CCSER2: variants seen among roughly 807,000 people sequenced by gnomAD.
CCSER2 encodes serine-rich coiled-coil domain-containing protein 2.
CCSER2 carries 46 observed loss-of-function variants against 92.3 expected under a neutral mutation model. The observed-to-expected ratio is 0.50, with a 90% CI of 0.39 to 0.64. The LOEUF (loss-of-function observed/expected upper bound fraction) is 0.64, where lower values mean the gene tolerates loss of function less well. CCSER2 is among the 30% of genes least tolerant of loss of function. The pLI is 0.00. For synonymous variants in CCSER2, 433 were observed against 431.4 expected, an observed-to-expected ratio of 1.00 and a Z score of -0.04; for missense variants, 1,244 against 1,238.9, an observed-to-expected ratio of 1.00 and a Z score of -0.06.
chr10:84,461,287 T>G (rs1846086043), intron 6 of CCSER2, among the ~76,000 whole-genome samples: 1 of 152,214 alleles, frequency 6.6e-6, no homozygotes, highest in Non-Finnish European at 1.5e-5. Context: ...ATATGTTTGG[T>G]GTATTTTTAG....
chr10:84,483,998 A>C (rs1341410663), intron 9 of CCSER2, among the ~76,000 whole-genome samples: 7 of 55,286 alleles, frequency 1.3e-4, no homozygotes, highest in Non-Finnish European at 1.9e-4. Flanking sequence ...TATATATATA[A>C]TTTTTTTTTT....
intron 1 of CCSER2, among the ~76,000 whole-genome samples, chr10:84,370,080 T>A (rs1366114542): frequency 6.6e-6 from 1 of 152,116 alleles, no homozygotes; most frequent in Non-Finnish European, 1.5e-5. Context: ...AGTTGAGTAA[T>A]GTGATGCCTC....
chr10:84,350,094 A>C (rs1220329939), intron 1 of CCSER2, among the ~76,000 whole-genome samples: 1 of 152,220 alleles, frequency 6.6e-6, no homozygotes, highest in African/African-American at 2.4e-5. Context: ...TGGAGGTTGC[A>C]GTGAGCCGAT....
At chr10:84,434,596 C>A (rs1364836174) in intron 5 of CCSER2, among the ~76,000 whole-genome samples, 1 of 152,084 alleles carries the variant, frequency 6.6e-6, no homozygotes, top group East Asian at 1.9e-4. Flanking sequence ...TATTGTTGTT[C>A]ATTGTAGTAT....
At chr10:84,354,433 T>G (rs999767750) in intron 1 of CCSER2, among the ~76,000 whole-genome samples, 2 of 152,082 alleles carry the variant, frequency 1.3e-5, no homozygotes, top group Admixed American at 6.6e-5. Flanking sequence ...GGTTCTTAGT[T>G]TACTTATATG....
chr10:84,443,928 T>C (rs896805695), intron 6 of CCSER2, among the ~76,000 whole-genome samples: 1 of 151,538 alleles, frequency 6.6e-6, no homozygotes, highest in Admixed American at 6.6e-5. Context: ...TACTCATAAG[T>C]GGGAGTTTAA....
rs138322775 is a variant in CCSER2, at chr10:84,482,602, T to A, written c.2325+4938T>A. On this transcript the variant is annotated intron_variant, in intron 9 of 9. Coordinates refer to ENST00000372088, the MANE Select transcript of CCSER2 (RefSeq NM_001284240.2). ...TGCACGTTAAGTAAATTGTAAAATC[T>A]TATGATATGTACCTTTTGTAGTCCA... Among the ~76,000 whole-genome samples, 32 of 152,356 alleles carry A rather than the reference T, an allele frequency of 2.1e-4. No homozygotes were observed. In the East Asian group the frequency reaches 4.6e-3, roughly 22 times the overall value.
At position 84,411,445 on chromosome 10, in the gene CCSER2, G is replaced by C. The variant is rs181306922; in HGVS notation, c.1615-6326G>C. Among the ~76,000 whole-genome samples, 9 of 152,230 alleles carry C rather than the reference G, an allele frequency of 5.9e-5. No individual in the cohort carries two copies. In the East Asian group the frequency reaches 1.5e-3, roughly 26 times the overall value. ...TACCAACCATCCATGAGTGTGGAAT[G>C]GTTTTCCATTTGTTTGTTTCCTCTC... On this transcript the variant is annotated intron_variant, in intron 3 of 9. Coordinates refer to ENST00000372088, the MANE Select transcript of CCSER2 (RefSeq NM_001284240.2).
intron 3 of CCSER2, among the ~76,000 whole-genome samples, chr10:84,408,337 A>T (rs1473813081): frequency 6.6e-6 from 1 of 152,060 alleles, no homozygotes; most frequent in African/African-American, 2.4e-5. Context: ...TACAGAGTGG[A>T]TCTTTATCTA....
At chr10:84,412,434 T>C (rs149886241) in intron 3 of CCSER2, among the ~76,000 whole-genome samples, 2 of 152,218 alleles carry the variant, frequency 1.3e-5, no homozygotes, top group African/African-American at 4.8e-5. Flanking sequence ...GGGCTTTTTT[T>C]TTTGGTTGGT....
intron 7 of CCSER2, among the ~76,000 whole-genome samples, chr10:84,469,087 A>T (rs191607951): frequency 6.6e-6 from 1 of 152,202 alleles, no homozygotes; most frequent in Non-Finnish European, 1.5e-5. Context: ...CTGTTAATAT[A>T]CTTGAGATAT....
At chr10:84,347,185 A>G (rs1242255438) in intron 1 of CCSER2, among the ~76,000 whole-genome samples, 2 of 152,210 alleles carry the variant, frequency 1.3e-5, no homozygotes, top group African/African-American at 2.4e-5. Flanking sequence ...ACTTCCTTCC[A>G]CACAGACACA....
intron 1 of CCSER2, among the ~76,000 whole-genome samples, chr10:84,369,763 C>A (rs945964714): frequency 6.6e-6 from 1 of 152,076 alleles, no homozygotes; most frequent in African/African-American, 2.4e-5. Context: ...AGGTTTTCTT[C>A]TAGCATTTTT....
chr10:84,377,198 C>G (rs1039796863), intron 3 of CCSER2, among the ~76,000 whole-genome samples: 4 of 152,022 alleles, frequency 2.6e-5, no homozygotes, highest in African/African-American at 9.7e-5. Flanking sequence ...TTGATATTGT[C>G]CAGTTTTACA....
chr10:84,371,316 A>T lies in CCSER2; in HGVS notation c.264A>T (p.Ser88=). 1.9e-6 allele frequency: 3 copies of T among 1,613,770 alleles called. No homozygotes were observed. The South Asian group carries it at 3.3e-5, about 18-fold the overall frequency. ...GVEEPNNTQN[S]HDKIIDPEKR... ...AAGAGCCTAACAATACTCAAAATTCACATGATAAAATAATTGATCCTGAAA... is the reference window on the plus strand; with the variant it reads ...AAGAGCCTAACAATACTCAAAATTCTCATGATAAAATAATTGATCCTGAAA... The change falls in exon 2 of 10, where the codon TCA becomes TCT. Residue 88 remains serine (S), a synonymous_variant. Coordinates refer to ENST00000372088, the MANE Select transcript of CCSER2 (RefSeq NM_001284240.2).
At position 84,514,128 on chromosome 10, in the gene CCSER2, G is replaced by T. The variant is rs1232523558; in HGVS notation, c.3005G>T (p.Ser1002Ile). 3.3e-6 allele frequency: 5 copies of T among 1,536,174 alleles called. No homozygotes were observed. The South Asian group carries it at 5.9e-5, about 18-fold the overall frequency. The change falls in exon 10 of 10, where the codon AGC (serine) becomes ATC (isoleucine). Residue 1002 changes from serine to isoleucine, a missense_variant. Physicochemically the swap from Ser to Ile is moderately radical, Grantham distance 142. Coordinates refer to ENST00000372088, the MANE Select transcript of CCSER2 (RefSeq NM_001284240.2). The part of the protein sequence containing the change: ...QTNSPQLEPQ[S>I]FQAKTSIPRP... ...AACAGCCCCCAACTAGAGCCTCAAA[G>T]CTTCCAGGCCAAGACAAGCATCCCA...
chr10:84,352,376 G>A (rs894109936), intron 1 of CCSER2, among the ~76,000 whole-genome samples: 2 of 152,120 alleles, frequency 1.3e-5, no homozygotes, highest in African/African-American at 4.8e-5. Flanking sequence ...AGGTAGAGGA[G>A]CCAAGGTGAG....
intron 9 of CCSER2, among the ~76,000 whole-genome samples, chr10:84,485,813 C>G (rs941577869): frequency 6.6e-6 from 1 of 152,066 alleles, no homozygotes; most frequent in Non-Finnish European, 1.5e-5. Context: ...TTACATATGT[C>G]TACATGTGCC....
chr10:84,510,068 C>T (rs1849272200), intron 9 of CCSER2, among the ~76,000 whole-genome samples: 1 of 152,140 alleles, frequency 6.6e-6, no homozygotes, highest in Admixed American at 6.5e-5. Context: ...ATCTATATCT[C>T]CCATCATCTA....
Sources: allele counts gnomAD v4.1 joint callset (sites outside exome capture counted in the v4.1 genomes callset), GRCh38; gene constraint gnomAD v4.1.1; transcripts MANE v1.5; gene names NCBI Gene and HGNC (gene_info 2026-07-23, HGNC 2026-07-21).